Variants in PSMB5 observed in about 807,000 individuals in gnomAD.
PSMB5 encodes proteasome 20S subunit beta 5, also known as proteasome subunit beta type-5.
PSMB5 carries 2 observed loss-of-function variants against 22.8 expected under a neutral mutation model. That is an observed-to-expected ratio of 0.09 (90% CI 0.04 to 0.28). The LOEUF (loss-of-function observed/expected upper bound fraction) is 0.28. Among genes scored for constraint, PSMB5 ranks in the 10% least tolerant of loss-of-function variants. PSMB5 has a pLI of 1.00. For synonymous variants in PSMB5, 133 were observed against 135.3 expected (o/e 0.98, Z 0.12); for missense variants, 269 against 343.8 (o/e 0.78, Z 1.72).
At chr14:23,031,181 T>A (rs543604695) in intron 2 of PSMB5, among the ~76,000 whole-genome samples, 22 of 152,282 alleles carry the variant, frequency 1.4e-4, no homozygotes, top group Admixed American at 2.6e-4. Context: ...CTCCCTGGAT[T>A]TTCCTTGTTA....
chr14:23,035,177 G>T, upstream of PSMB5: 1 of 379,430 alleles, frequency 2.6e-6, no homozygotes, highest in Non-Finnish European at 4.7e-6. Context: ...CACAGGAAGT[G>T]ACTGAAAACG....
chr14:23,027,594 G>A (rs2046925191), intron 2 of PSMB5: 9 of 510,484 alleles, frequency 1.8e-5, no homozygotes, highest in Non-Finnish European at 2.4e-5. Flanking sequence ...GCTGCAGTAA[G>A]CTATAATCAC....
chr14:23,027,390 A>AT (rs975074210), intron 2 of PSMB5, among the ~76,000 whole-genome samples: 1 of 144,060 alleles, frequency 6.9e-6, no homozygotes, highest in African/African-American at 2.6e-5. Context: ...CAAAAAAAAA[A>AT]AAAATAATAA....
At chr14:23,031,086 T>C (rs970826487) in intron 2 of PSMB5, among the ~76,000 whole-genome samples, 3 of 152,194 alleles carry the variant, frequency 2.0e-5, no homozygotes, top group Non-Finnish European at 4.4e-5. Context: ...AACTGTAATA[T>C]GAGGCAAGGG....
chr14:23,034,360 C>G lies in PSMB5; in HGVS notation c.198+324G>C, dbSNP rs1384306343. The G allele has an allele frequency of 5.8e-5, 17 of 294,474 alleles. No individual in the cohort carries two copies. In the East Asian group the frequency reaches 1.4e-3, roughly 24 times the overall value. 18.2% of individuals were successfully genotyped at this position (294,474 alleles called of 1,614,324 possible). On this transcript the variant is annotated intron_variant, in intron 1 of 2. Coordinates refer to ENST00000361611, the MANE Select transcript of PSMB5 (RefSeq NM_002797.5). Reference sequence around the variant, plus strand: ...TGGTAAACGTTTACAATAGCCTTCCCTCGGCCAAGATTCATTGTTGTTGCG... The same window carrying G: ...TGGTAAACGTTTACAATAGCCTTCCGTCGGCCAAGATTCATTGTTGTTGCG...
chr14:23,033,345 C>A, intron 2 of PSMB5, 23 bp downstream of exon 2: 1 of 1,597,412 alleles, frequency 6.3e-7, no homozygotes, highest in South Asian at 1.1e-5. Context: ...GCCCAAGGAT[C>A]ATGTGGTTGC....
chr14:23,035,111 C>A, upstream of PSMB5: 1 of 779,108 alleles, frequency 1.3e-6, no homozygotes, highest in Non-Finnish European at 1.9e-6. Flanking sequence ...AAAGGACGTA[C>A]CTGCCATCTT....
chr14:23,031,586 TAGA>T (rs1323519446), intron 2 of PSMB5, among the ~76,000 whole-genome samples: 2 of 152,196 alleles, frequency 1.3e-5, no homozygotes, highest in African/African-American at 2.4e-5. Context: ...AAGGGAAAAT[TAGA>T]AGGTGACTAG....
At chr14:23,026,578 T>C (rs1240363893) in intron 2 of PSMB5, among the ~76,000 whole-genome samples, 1 of 151,744 alleles carries the variant, frequency 6.6e-6, no homozygotes, top group East Asian at 2.0e-4. Context: ...GTTTCCCAGG[T>C]AGCTAGGATT....
chr14:23,026,805 G>A (rs1354440074), intron 2 of PSMB5, among the ~76,000 whole-genome samples: 11 of 149,498 alleles, frequency 7.4e-5, no homozygotes, highest in East Asian at 2.0e-4. Context: ...AAAATAGGCC[G>A]GGCGCGGTGG....
At chr14:23,034,406 C>A (rs1343672935) in intron 1 of PSMB5, 7 of 402,856 alleles carry the variant, frequency 1.7e-5, no homozygotes, top group Non-Finnish European at 3.2e-5. Flanking sequence ...GCTAGAAGAT[C>A]CTGAACAGCA....
chr14:23,034,491 C>G lies in PSMB5; in HGVS notation c.198+193G>C, dbSNP rs779729548. On this transcript the variant is annotated intron_variant, in intron 1 of 2. Coordinates refer to ENST00000361611, the MANE Select transcript of PSMB5 (RefSeq NM_002797.5). ...CCCGACTTACCCCCGGCCCCACCGC[C>G]ACCCTTTCCAACCAGAGCAAAGACA... The G allele has an allele frequency of 1.6e-3, 1,084 of 661,940 alleles. 5 individuals are homozygous for G. The highest frequency in any genetic ancestry group is 2.3e-3 in the Non-Finnish European group (938 of 399,486). The allele number at this position is 661,940 out of a possible 1,614,324, so 41.0% of individuals were successfully genotyped here.
chr14:23,033,063 C>T (rs776924251), intron 2 of PSMB5, among the ~76,000 whole-genome samples: 5 of 151,770 alleles, frequency 3.3e-5, no homozygotes, highest in Non-Finnish European at 5.9e-5. Context: ...CCCGCCACCA[C>T]GCCGGGCTAA....
At position 23,026,239 on chromosome 14, in the gene PSMB5, C is replaced by A. The variant is rs1440245650; in HGVS notation, c.642G>T (p.Leu214=). 1.1e-5 allele frequency: 17 copies of A among 1,613,910 alleles called. No homozygotes were observed. Among genetic ancestry groups the A allele is most frequent in the Non-Finnish European group, 1.4e-5 (17 of 1,180,022 alleles). The change falls in exon 3 of 3, where the codon CTG becomes CTT. Residue 214 remains leucine, a synonymous_variant. Transcript: ENST00000361611. ...YDLEVEQAYD[L]ARRAIYQATY... is the part of the protein sequence containing the mutation. ...TGGCTTGGTAGATGGCTCGACGGGC[C>A]AGATCATAGGCCTGCTCCACTTCCA... is the stretch of plus-strand genomic sequence containing the variant.
chr14:23,033,060 C>G (rs1260276968), intron 2 of PSMB5, among the ~76,000 whole-genome samples: 2 of 151,830 alleles, frequency 1.3e-5, no homozygotes, highest in African/African-American at 4.8e-5. Context: ...GCGCCCGCCA[C>G]CACGCCGGGC....
intron 2 of PSMB5, among the ~76,000 whole-genome samples, chr14:23,028,615 C>G (rs961659764): frequency 2.0e-5 from 3 of 152,150 alleles, no homozygotes; most frequent in Non-Finnish European, 4.4e-5. Context: ...GCCAGGCCAA[C>G]TGCCTTTATT....
intron 2 of PSMB5, among the ~76,000 whole-genome samples, chr14:23,032,788 C>A (rs564913837): frequency 3.4e-5 from 5 of 145,832 alleles, no homozygotes; most frequent in Non-Finnish European, 7.5e-5. Flanking sequence ...TTGGTAGAGA[C>A]GGGGTTTCAC....
At chr14:23,033,228 A>C in intron 2 of PSMB5, 140 bp downstream of exon 2, 1 of 943,096 alleles carries the variant, frequency 1.1e-6, no homozygotes, top group Non-Finnish European at 1.6e-6. Flanking sequence ...AAACAGGAAA[A>C]AAAAAAAGAG....
At chr14:23,026,606 C>T (rs956359352) in intron 2 of PSMB5, among the ~76,000 whole-genome samples, 7 of 151,476 alleles carry the variant, frequency 4.6e-5, no homozygotes, top group East Asian at 2.0e-4. Flanking sequence ...CTCGTAACCA[C>T]GCCCAGCTAA....
Sources: allele counts gnomAD v4.1 joint callset (sites outside exome capture counted in the v4.1 genomes callset), GRCh38; gene constraint gnomAD v4.1.1; transcripts MANE v1.5; gene names NCBI Gene and HGNC (gene_info 2026-07-23, HGNC 2026-07-21).